Variants in LEPR observed in about 807,000 individuals in gnomAD.
The protein encoded by LEPR is leptin receptor.
In LEPR, 56 loss-of-function variants were observed where a neutral mutation model predicts 114.7. The ratio of observed to expected loss-of-function variants is 0.49; its 90% CI spans 0.39 to 0.61. The LOEUF (loss-of-function observed/expected upper bound fraction) is 0.61, where lower values mean the gene tolerates loss of function less well. Ranked by LOEUF, LEPR falls within the 20% of genes least tolerant of loss-of-function variation. The pLI is 0.00. For missense variants in LEPR, 1,202 were observed against 1,352.9 expected (o/e 0.89, Z 1.75); for synonymous variants, 443 against 461.4 (o/e 0.96, Z 0.51).
intron 2 of LEPR, among the ~76,000 whole-genome samples, chr1:65,546,112 A>T (rs1226835459): frequency 6.6e-6 from 1 of 152,100 alleles, no homozygotes; most frequent in Non-Finnish European, 1.5e-5. Flanking sequence ...AAGATCAGAT[A>T]GTTGTAGATA....
rs563264100 is a variant in LEPR at position 65,525,510 on chromosome 1, C to T, written c.-20-40036C>T. On this transcript the variant is annotated intron_variant, in intron 2 of 19. Transcript: ENST00000349533. ...CCCGCCGCCGCCCCCGCCACCTGCG[C>T]GACCGCCCTAGCCGCTCGAGTCCGC... The T allele has an allele frequency of 5.8e-6, 3 of 519,176 alleles. No homozygotes were observed. In the South Asian group the frequency reaches 2.5e-4, roughly 43 times the overall value. 32.2% of individuals were successfully genotyped at this position (519,176 alleles called of 1,614,324 possible).
chr1:65,434,844 A>T (rs781068379), intron 2 of LEPR: 1 of 985,236 alleles, frequency 1.0e-6, no homozygotes, highest in Non-Finnish European at 1.2e-6. Flanking sequence ...TTCTCCTCCC[A>T]TTAGTCAGTT....
intron 2 of LEPR, among the ~76,000 whole-genome samples, chr1:65,456,538 A>G (rs1646878769): frequency 6.6e-6 from 1 of 152,158 alleles, no homozygotes; most frequent in Non-Finnish European, 1.5e-5. Flanking sequence ...TTCTTAGAGA[A>G]CAGACCTCTT....
chr1:65,491,274 A>G (rs1647854360), intron 2 of LEPR, among the ~76,000 whole-genome samples: 1 of 152,138 alleles, frequency 6.6e-6, no homozygotes, highest in Non-Finnish European at 1.5e-5. Flanking sequence ...CCTTTATGAT[A>G]AATGGCACAG....
chr1:65,527,536 T>C (rs777509116), intron 2 of LEPR, among the ~76,000 whole-genome samples: 1 of 152,228 alleles, frequency 6.6e-6, no homozygotes, highest in Non-Finnish European at 1.5e-5. Flanking sequence ...ATCAGTAGCA[T>C]TTTCAAGATT....
At chr1:65,516,877 G>C (rs1213903069) in intron 2 of LEPR, among the ~76,000 whole-genome samples, 1 of 152,156 alleles carries the variant, frequency 6.6e-6, no homozygotes, top group African/African-American at 2.4e-5. Context: ...CCTATTCTGA[G>C]ACCTTGATTT....
intron 2 of LEPR, among the ~76,000 whole-genome samples, chr1:65,441,431 A>G (rs1205631494): frequency 1.3e-5 from 2 of 152,234 alleles, no homozygotes; most frequent in African/African-American, 4.8e-5. Flanking sequence ...TAAGCTATCA[A>G]TAAAAGGAAA....
intron 2 of LEPR, among the ~76,000 whole-genome samples, chr1:65,556,126 C>T (rs956149426): frequency 3.3e-5 from 5 of 152,084 alleles, no homozygotes; most frequent in East Asian, 1.9e-4. Flanking sequence ...GAGGCTGCAG[C>T]GGAGCTTGTT....
At chr1:65,634,786 C>A (rs928933574) in intron 19 of LEPR, 1 of 899,450 alleles carries the variant, frequency 1.1e-6, no homozygotes, top group Non-Finnish European at 1.3e-6. Context: ...AATTTTAAGA[C>A]AGTTCAGTGC....
At chr1:65,617,240 G>A (rs565407906) in intron 15 of LEPR, among the ~76,000 whole-genome samples, 2 of 152,196 alleles carry the variant, frequency 1.3e-5, no homozygotes, top group East Asian at 1.9e-4. Flanking sequence ...AGAGATAAGG[G>A]CCTGCAGGAA....
chr1:65,430,467 A>G (rs1210943055), intron 2 of LEPR, among the ~76,000 whole-genome samples: 2 of 152,194 alleles, frequency 1.3e-5, no homozygotes, highest in Non-Finnish European at 2.9e-5. Context: ...GTTGAGGGAC[A>G]ACTGTGTAGC....
At chr1:65,598,330 A>G (rs961978811) in intron 7 of LEPR, among the ~76,000 whole-genome samples, 2 of 151,978 alleles carry the variant, frequency 1.3e-5, no homozygotes, top group Non-Finnish European at 2.9e-5. Flanking sequence ...GGTGTGTGTT[A>G]TAGGTGTCAG....
At chr1:65,588,183 C>A (rs1655446623) in intron 5 of LEPR, among the ~76,000 whole-genome samples, 1 of 151,978 alleles carries the variant, frequency 6.6e-6, no homozygotes, top group Non-Finnish European at 1.5e-5. Flanking sequence ...CTTAGACTCC[C>A]TAAAGGATGA....
Position 65,531,911 on chromosome 1 carries a change from T to G in LEPR, c.-20-33635T>G, listed in dbSNP as rs1650429835. Among the ~76,000 whole-genome samples, 4 of 152,058 alleles carry G rather than the reference T, an allele frequency of 2.6e-5. No individual in the cohort carries two copies. In the South Asian group the frequency reaches 8.3e-4, roughly 31 times the overall value. ...TAGAGCGTAAAACCAATAGACAAATTACGGGCTAGCAGGACTTGCAGACTT... is the reference window on the plus strand; with the variant it reads ...TAGAGCGTAAAACCAATAGACAAATGACGGGCTAGCAGGACTTGCAGACTT... On this transcript the variant is annotated intron_variant, in intron 2 of 19. Coordinates refer to ENST00000349533, the MANE Select transcript of LEPR (RefSeq NM_002303.6).
chr1:65,480,991 A>G (rs1647222189), intron 2 of LEPR, among the ~76,000 whole-genome samples: 1 of 152,234 alleles, frequency 6.6e-6, no homozygotes, highest in African/African-American at 2.4e-5. Flanking sequence ...TGGCTTAAGC[A>G]ACAGAAATGC....
chr1:65,437,640 G>A (rs961508948), intron 2 of LEPR, among the ~76,000 whole-genome samples: 4 of 151,438 alleles, frequency 2.6e-5, no homozygotes, highest in East Asian at 2.0e-4. Flanking sequence ...GGGAGACCCC[G>A]TCTCCAAAAA....
chr1:65,525,947 CG>C, intron 2 of LEPR: 2 of 826,110 alleles, frequency 2.4e-6, no homozygotes, highest in Non-Finnish European at 2.9e-6. Flanking sequence ...ACTGGGAGTC[CG>C]GGGCAGCTTA....
At chr1:65,582,832 C>T (rs545460235) in intron 5 of LEPR, among the ~76,000 whole-genome samples, 1 of 152,260 alleles carries the variant, frequency 6.6e-6, no homozygotes, top group African/African-American at 2.4e-5. Context: ...TAATAACTCC[C>T]ATTTAAAAAA....
intron 2 of LEPR, chr1:65,429,749 A>T: frequency 3.2e-6 from 3 of 926,402 alleles, no homozygotes; most frequent in Non-Finnish European, 4.6e-6. Context: ...CAATTAATTA[A>T]TTTTTTGACC....
Sources: allele counts gnomAD v4.1 joint callset (sites outside exome capture counted in the v4.1 genomes callset), GRCh38; gene constraint gnomAD v4.1.1; transcripts MANE v1.5; gene names NCBI Gene and HGNC (gene_info 2026-07-23, HGNC 2026-07-21).